The following PLSCR2 variants were observed in gnomAD, a reference collection of about 807,000 sequenced individuals.
PLSCR2 encodes the protein PL scramblase 2.
A neutral mutation model predicts 25.3 loss-of-function variants in PLSCR2; 18 were observed. That is an observed-to-expected ratio of 0.71 (90% CI 0.49 to 1.06). PLSCR2 has a LOEUF of 1.06. PLSCR2 is among the 50% of genes least tolerant of loss of function. PLSCR2 has a pLI of 0.00. For missense variants in PLSCR2, 243 were observed against 269.5 expected (o/e 0.90, Z 0.69); for synonymous variants, 88 against 87.3 (o/e 1.01, Z -0.04).
intron 2 of PLSCR2, among the ~76,000 whole-genome samples, chr3:146,415,510 G>T (rs1321154646): frequency 6.6e-6 from 1 of 151,788 alleles, no homozygotes; most frequent in Non-Finnish European, 1.5e-5. Context: ...ACTATCATTT[G>T]AATATTTTAA....
exon 6 of PLSCR2, chr3:146,449,239 C>A: frequency 6.2e-7 from 1 of 1,612,964 alleles, no homozygotes; most frequent in South Asian, 1.1e-5. Flanking sequence ...TCACGGCTTT[C>A]ATTTTAACAT....
At chr3:146,416,994 A>G (rs1576586330) in intron 2 of PLSCR2, among the ~76,000 whole-genome samples, 1 of 152,182 alleles carries the variant, frequency 6.6e-6, no homozygotes, top group Admixed American at 6.5e-5. Context: ...ATTGGTAAAC[A>G]TGGCAACATT....
chr3:146,399,794 CTCCTTCCTTCCTTCTT>C (rs955114378), intron 2 of PLSCR2, among the ~76,000 whole-genome samples: 6 of 148,424 alleles, frequency 4.0e-5, no homozygotes, highest in African/African-American at 7.4e-5. Context: ...TCCTTCTTTC[CTCCTTCCTTCCTTCTT>C]TCCTTCCTTC....
intron 2 of PLSCR2, among the ~76,000 whole-genome samples, chr3:146,407,262 GTCTATTATCAGA>G (rs2038688226): frequency 6.6e-6 from 1 of 152,174 alleles, no homozygotes; most frequent in Admixed American, 6.5e-5. Flanking sequence ...GTGAAGGCTG[GTCTATTATCAGA>G]CCTTATGGTA....
intron 1 of PLSCR2, among the ~76,000 whole-genome samples, chr3:146,467,802 T>C (rs1324124046): frequency 6.6e-6 from 1 of 151,956 alleles, no homozygotes; most frequent in Non-Finnish European, 1.5e-5. Context: ...AGCCAGGCCA[T>C]AGGGATGTAT....
chr3:146,399,369 T>G (rs540840746), intron 2 of PLSCR2, among the ~76,000 whole-genome samples: 1 of 151,912 alleles, frequency 6.6e-6, no homozygotes, highest in Non-Finnish European at 1.5e-5. Flanking sequence ...AAAGAAGTTC[T>G]AAACATAGAT....
At chr3:146,402,989 T>C (rs1291005401) in intron 2 of PLSCR2, among the ~76,000 whole-genome samples, 3 of 152,202 alleles carry the variant, frequency 2.0e-5, no homozygotes, top group Non-Finnish European at 4.4e-5. Context: ...GTAGAAATTA[T>C]GTATACATGG....
intron 5 of PLSCR2, 103 bp from the exon 6 acceptor site, chr3:146,449,470 T>C (rs1187562375): frequency 2.8e-6 from 2 of 725,948 alleles, no homozygotes; most frequent in South Asian, 1.9e-5. Flanking sequence ...AGTACATTTA[T>C]GCACCATACA....
At chr3:146,478,949 T>G (rs973818457) in intron 1 of PLSCR2, among the ~76,000 whole-genome samples, 1 of 152,158 alleles carries the variant, frequency 6.6e-6, no homozygotes, top group Non-Finnish European at 1.5e-5. Flanking sequence ...TCAACATTCT[T>G]AAAGTAAAGA....
At chr3:146,444,000 T>C (rs893724974) in intron 6 of PLSCR2, among the ~76,000 whole-genome samples, 2 of 152,010 alleles carry the variant, frequency 1.3e-5, no homozygotes, top group African/African-American at 4.8e-5. Flanking sequence ...AATTTCCTTC[T>C]TGGTTTCTTC....
chr3:146,486,346 GA>G (rs1208281862), intron 1 of PLSCR2, among the ~76,000 whole-genome samples: 1 of 145,762 alleles, frequency 6.9e-6, no homozygotes, highest in Non-Finnish European at 1.5e-5. Context: ...ACAGAGACAT[GA>G]AAAACCCTTC....
downstream of PLSCR2, among the ~76,000 whole-genome samples, chr3:146,428,907 A>G (rs890697349): frequency 1.3e-5 from 2 of 152,208 alleles, no homozygotes; most frequent in Non-Finnish European, 2.9e-5. Context: ...ATTGGCTTTG[A>G]GCCACCTCCC....
At chr3:146,442,063 C>T (rs28409857) in intron 6 of PLSCR2, among the ~76,000 whole-genome samples, 1,691 of 151,990 alleles carry the variant, frequency 0.011, 21 homozygotes, top group Non-Finnish European at 0.017. Context: ...TTAATTAATC[C>T]TATGGCAATT....
intron 2 of PLSCR2, among the ~76,000 whole-genome samples, chr3:146,412,511 C>G (rs759575479): frequency 6.6e-6 from 1 of 152,038 alleles, no homozygotes; most frequent in African/African-American, 2.4e-5. Context: ...TGGGCCTGCT[C>G]GAGCCATGGT....
intron 1 of PLSCR2, 111 bp downstream of exon 1, chr3:146,469,384 G>A: frequency 1.1e-6 from 1 of 938,004 alleles, no homozygotes; most frequent in Non-Finnish European, 1.3e-6. Context: ...GGCCCATTGG[G>A]CCCTTGCCCC....
chr3:146,432,597 G>A (rs2039586719), downstream of PLSCR2, among the ~76,000 whole-genome samples: 1 of 152,100 alleles, frequency 6.6e-6, no homozygotes, highest in Admixed American at 6.5e-5. Context: ...AGGCAGGTAT[G>A]GCAAAAAGGA....
In PLSCR2 at chr3:146,419,578, A is replaced by G. The variant is rs79587099; in HGVS notation, c.101-23657T>C. Among the ~76,000 whole-genome samples the G allele has an allele frequency of 7.2e-4, 109 of 152,264 alleles. 1 individual carries two copies. In the East Asian group the frequency reaches 0.018, roughly 26 times the overall value. On this transcript the variant is annotated intron_variant and NMD_transcript_variant, in intron 2 of 3. Coordinates refer to the PLSCR2 transcript ENST00000463633. ...ACAACACATGTATGATATTACAGTT[A>G]TGAAGTTAAGAAATCAAACTTGAAT... is the stretch of plus-strand genomic sequence containing the variant.
At chr3:146,485,045 C>A (rs1215147773) in intron 1 of PLSCR2, among the ~76,000 whole-genome samples, 1 of 151,456 alleles carries the variant, frequency 6.6e-6, no homozygotes, top group Non-Finnish European at 1.5e-5. Flanking sequence ...GGAGACCTAT[C>A]TTCTGTACAA....
upstream of PLSCR2, among the ~76,000 whole-genome samples, chr3:146,463,075 C>T (rs1254196704): frequency 6.6e-6 from 1 of 152,190 alleles, no homozygotes; most frequent in Non-Finnish European, 1.5e-5. Flanking sequence ...TGACACTACT[C>T]TGTTCATTAA....
Sources: allele counts gnomAD v4.1 joint callset (sites outside exome capture counted in the v4.1 genomes callset), GRCh38; gene constraint gnomAD v4.1.1; transcripts MANE v1.5; gene names NCBI Gene and HGNC (gene_info 2026-07-23, HGNC 2026-07-21).